TAFA1: variants seen among roughly 807,000 people sequenced by gnomAD.
The protein encoded by TAFA1 is TAFA chemokine like family member 1, also known as chemokine-like protein TAFA-1.
TAFA1 carries 4 observed loss-of-function variants against 18.5 expected under a neutral mutation model. The observed-to-expected ratio is 0.22, with a 90% CI of 0.11 to 0.49. The LOEUF (loss-of-function observed/expected upper bound fraction) is 0.49, where lower values mean the gene tolerates loss of function less well. TAFA1 is among the 20% of genes least tolerant of loss of function. The pLI is 0.98. For missense variants in TAFA1, 147 were observed against 169.0 expected, an observed-to-expected ratio of 0.87 and a Z score of 0.72; for synonymous variants, 56 against 55.2, an observed-to-expected ratio of 1.01 and a Z score of -0.06.
At chr3:68,248,685 A>G (rs2067131972) in intron 2 of TAFA1, among the ~76,000 whole-genome samples, 2 of 134,984 alleles carry the variant, frequency 1.5e-5, no homozygotes, top group South Asian at 2.7e-4. Context: ...CTCCTTATCT[A>G]TGATAAACAT....
At chr3:68,375,513 T>C (rs576022567) in intron 2 of TAFA1, among the ~76,000 whole-genome samples, 2 of 152,304 alleles carry the variant, frequency 1.3e-5, no homozygotes, top group Non-Finnish European at 2.9e-5. Flanking sequence ...TCGTGATCTA[T>C]ACATTTTGTA....
rs139706982 is a variant in TAFA1 at position 68,019,672 on chromosome 3, G to A, written c.118+12928G>A. Among the ~76,000 whole-genome samples the A allele has an allele frequency of 9.6e-4, 146 of 152,186 alleles. 3 individuals carry two copies. The highest frequency in any genetic ancestry group is 3.2e-3 in the African/African-American group (132 of 41,524). On this transcript the variant is annotated intron_variant, in intron 2 of 4. Coordinates refer to ENST00000478136, the MANE Select transcript of TAFA1 (RefSeq NM_213609.4). ...ATATGCTGTCTTTCAAATAAAACTT[G>A]CTAGACCCATAGCCTAATAACATGT...
chr3:68,147,928 T>G (rs2065762341), intron 2 of TAFA1, among the ~76,000 whole-genome samples: 1 of 152,224 alleles, frequency 6.6e-6, no homozygotes, highest in Non-Finnish European at 1.5e-5. Context: ...AACATTATTG[T>G]TGTGAGAGAA....
rs891961769 is a variant in TAFA1, at chr3:68,494,572, G to A, written c.260-44184G>A. Among the ~76,000 whole-genome samples, 3 of 152,176 alleles carry A rather than the reference G, an allele frequency of 2.0e-5. No individual in the cohort carries two copies. In the East Asian group the frequency reaches 5.8e-4, roughly 29 times the overall value. On this transcript the variant is annotated intron_variant, in intron 3 of 4. Coordinates refer to ENST00000478136, the MANE Select transcript of TAFA1 (RefSeq NM_213609.4). ...ACTTTCCTCCTGCCTATCATTTGCTGGTAAAAATGCAGATGTGAAGACTCC... is the reference window on the plus strand; with the variant it reads ...ACTTTCCTCCTGCCTATCATTTGCTAGTAAAAATGCAGATGTGAAGACTCC...
intron 2 of TAFA1, among the ~76,000 whole-genome samples, chr3:68,283,011 G>C (rs896157489): frequency 2.6e-5 from 4 of 152,062 alleles, no homozygotes; most frequent in Admixed American, 6.5e-5. Flanking sequence ...GGAATCCAAA[G>C]GAATCCTATT....
chr3:68,381,036 C>G (rs1467275619), intron 2 of TAFA1, among the ~76,000 whole-genome samples: 1 of 130,306 alleles, frequency 7.7e-6, no homozygotes, highest in Non-Finnish European at 1.6e-5. Flanking sequence ...AATCCTTTCC[C>G]CATTGCTTGT....
intron 2 of TAFA1, among the ~76,000 whole-genome samples, chr3:68,076,605 A>G (rs1385830778): frequency 2.0e-5 from 3 of 152,146 alleles, no homozygotes; most frequent in Non-Finnish European, 2.9e-5. Flanking sequence ...ATGCTTTCCA[A>G]TTTCATCCAT....
intron 2 of TAFA1, among the ~76,000 whole-genome samples, chr3:68,097,108 T>C (rs1336290170): frequency 6.6e-6 from 1 of 152,134 alleles, no homozygotes; most frequent in East Asian, 1.9e-4. Flanking sequence ...CTTTTGTCAC[T>C]GTAGATGCAT....
intron 2 of TAFA1, among the ~76,000 whole-genome samples, chr3:68,173,118 T>G (rs2066078648): frequency 6.6e-6 from 1 of 152,048 alleles, no homozygotes. Flanking sequence ...AGCCACAGTA[T>G]GTGACTAATG....
chr3:68,032,217 A>G (rs1704949805), intron 2 of TAFA1, among the ~76,000 whole-genome samples: 1 of 152,188 alleles, frequency 6.6e-6, no homozygotes, highest in South Asian at 2.1e-4. Flanking sequence ...TTTTCAAACA[A>G]TGCCTTAAAA....
At chr3:68,128,261 T>C (rs2065494473) in intron 2 of TAFA1, among the ~76,000 whole-genome samples, 1 of 152,122 alleles carries the variant, frequency 6.6e-6, no homozygotes, top group South Asian at 2.1e-4. Flanking sequence ...CATTTTAAAC[T>C]CATCATGATT....
intron 2 of TAFA1, among the ~76,000 whole-genome samples, chr3:68,406,035 G>A (rs117899306): frequency 0.011 from 1,673 of 152,106 alleles, 20 homozygotes; most frequent in Admixed American, 0.027. Context: ...TACAGTATCC[G>A]TTAAATTTAG....
At chr3:68,080,295 A>G (rs1029875076) in intron 2 of TAFA1, among the ~76,000 whole-genome samples, 2 of 151,948 alleles carry the variant, frequency 1.3e-5, no homozygotes, top group African/African-American at 4.8e-5. Flanking sequence ...TTTTAATTGG[A>G]GCATTTAGTC....
chr3:68,508,565 C>T (rs1012299664), intron 3 of TAFA1, among the ~76,000 whole-genome samples: 3 of 152,042 alleles, frequency 2.0e-5, no homozygotes, highest in African/African-American at 4.8e-5. Context: ...ACCATTAATT[C>T]GTTCAACAAA....
chr3:68,152,302 G>A (rs1244009290), intron 2 of TAFA1, among the ~76,000 whole-genome samples: 1 of 152,074 alleles, frequency 6.6e-6, no homozygotes, highest in African/African-American at 2.4e-5. Flanking sequence ...TGGGTGCAGA[G>A]CTCAGGAATC....
intron 2 of TAFA1, among the ~76,000 whole-genome samples, chr3:68,186,933 T>G (rs971357177): frequency 6.6e-6 from 1 of 151,932 alleles, no homozygotes; most frequent in African/African-American, 2.4e-5. Flanking sequence ...CCTTCTTATC[T>G]CTGTGGGTAA....
intron 1 of TAFA1, among the ~76,000 whole-genome samples, chr3:68,005,520 T>G (rs1360719892): frequency 6.6e-6 from 1 of 152,234 alleles, no homozygotes; most frequent in Non-Finnish European, 1.5e-5. Context: ...GAACATCAGT[T>G]TTTAATAAAG....
intron 2 of TAFA1, among the ~76,000 whole-genome samples, chr3:68,120,004 C>T (rs2065369175): frequency 6.6e-6 from 1 of 152,102 alleles, no homozygotes; most frequent in Admixed American, 6.6e-5. Flanking sequence ...GTTTTCAGTC[C>T]ATTCTTCCTT....
intron 2 of TAFA1, among the ~76,000 whole-genome samples, chr3:68,328,000 C>T (rs150291255): frequency 9.2e-5 from 14 of 152,208 alleles, no homozygotes; most frequent in South Asian, 2.1e-4. Context: ...TGATTACATG[C>T]GTGTTAACTT....
Sources: allele counts gnomAD v4.1 joint callset (sites outside exome capture counted in the v4.1 genomes callset), GRCh38; gene constraint gnomAD v4.1.1; transcripts MANE v1.5; gene names NCBI Gene and HGNC (gene_info 2026-07-23, HGNC 2026-07-21).